SLC35F2: variants seen among roughly 807,000 people sequenced by gnomAD.
SLC35F2 encodes solute carrier family 35 member F2.
Under a neutral mutation model 38.1 loss-of-function variants are expected in SLC35F2, and 25 were observed. That is an observed-to-expected ratio of 0.66 (90% CI 0.48 to 0.92). SLC35F2 has a LOEUF of 0.92. Ranked by LOEUF, SLC35F2 falls within the 40% of genes least tolerant of loss-of-function variation. SLC35F2 has a pLI of 0.00. For missense variants in SLC35F2, 409 were observed against 452.9 expected (o/e 0.90, Z 0.88); for synonymous variants, 173 against 181.7 (o/e 0.95, Z 0.38).
At chr11:107,798,666 C>T (rs1051031613) in intron 7 of SLC35F2, among the ~76,000 whole-genome samples, 4 of 152,096 alleles carry the variant, frequency 2.6e-5, no homozygotes, top group Non-Finnish European at 4.4e-5. Flanking sequence ...CACGGATGAG[C>T]GTAAAAAATT....
chr11:107,849,177 A>G (rs796121089), intron 1 of SLC35F2, among the ~76,000 whole-genome samples: 6 of 152,252 alleles, frequency 3.9e-5, no homozygotes, highest in African/African-American at 1.4e-4. Context: ...CCTGATACAC[A>G]GCGAATTCTC....
intron 1 of SLC35F2, chr11:107,823,023 C>T (rs1859699847): frequency 3.7e-6 from 1 of 272,132 alleles, no homozygotes. Context: ...TGATGAGATG[C>T]ATTCATTTCT....
chr11:107,856,918 AGGG>A (rs1860297338), intron 1 of SLC35F2, among the ~76,000 whole-genome samples: 12 of 90,924 alleles, frequency 1.3e-4, no homozygotes, highest in East Asian at 3.6e-4. Flanking sequence ...GGAGGGAGGG[AGGG>A]AGGGAAAAGA....
chr11:107,855,286 C>CTCAT (rs1027911206), intron 1 of SLC35F2, among the ~76,000 whole-genome samples: 24 of 152,202 alleles, frequency 1.6e-4, no homozygotes, highest in African/African-American at 5.5e-4. Flanking sequence ...CAGTCATTCA[C>CTCAT]TCATTCATTC....
chr11:107,792,999 C>T lies in SLC35F2; in HGVS notation c.940-199G>A, dbSNP rs570753957. 127 of 791,956 alleles carry T rather than the reference C, an allele frequency of 1.6e-4. 1 individual carries two copies. The highest frequency in any genetic ancestry group is 1.8e-4 in the Non-Finnish European group (120 of 654,160). The allele number at this position is 791,956 out of a possible 1,614,324, so 49.1% of individuals were successfully genotyped here. ...TGGCACAATCTCGGCTCACTGCAAC[C>T]TCCACCTCCCAGGCTCCAGTGATCC... is the stretch of plus-strand genomic sequence containing the variant. On this transcript the variant is annotated intron_variant, in intron 7 of 7. Coordinates refer to ENST00000525815, the MANE Select transcript of SLC35F2 (RefSeq NM_017515.5).
At chr11:107,824,005 T>C (rs1320031635) in intron 1 of SLC35F2, 3 of 984,472 alleles carry the variant, frequency 3.0e-6, no homozygotes, top group Non-Finnish European at 2.4e-6. Context: ...GCAGCCAAGA[T>C]GAACTGTTTT....
At chr11:107,803,314 T>G (rs1006743070) in intron 6 of SLC35F2, 159 bp from the exon 7 acceptor site, 1 of 982,584 alleles carries the variant, frequency 1.0e-6, no homozygotes, top group East Asian at 1.1e-4. Context: ...CATAAAGCTC[T>G]CTCGAAAAAA....
At chr11:107,845,156 C>A (rs1181983714) in intron 1 of SLC35F2, among the ~76,000 whole-genome samples, 2 of 152,148 alleles carry the variant, frequency 1.3e-5, no homozygotes, top group African/African-American at 4.8e-5. Flanking sequence ...ATCCTAAACA[C>A]TTCTGGAGTA....
At chr11:107,809,195 T>C (rs933425909) in intron 3 of SLC35F2, among the ~76,000 whole-genome samples, 2 of 151,974 alleles carry the variant, frequency 1.3e-5, no homozygotes, top group African/African-American at 4.8e-5. Flanking sequence ...CAAAATGTAT[T>C]CTTGGTGGCC....
intron 1 of SLC35F2, among the ~76,000 whole-genome samples, chr11:107,830,594 A>G (rs1468190140): frequency 2.0e-5 from 3 of 151,484 alleles, no homozygotes; most frequent in Admixed American, 2.0e-4. Context: ...AAAAAAAAAA[A>G]AAAAAGAAAA....
chr11:107,833,282 G>T (rs956174863), intron 1 of SLC35F2, among the ~76,000 whole-genome samples: 2 of 152,112 alleles, frequency 1.3e-5, no homozygotes. Context: ...AGCACTTTGG[G>T]AGGCTGAGGT....
intron 1 of SLC35F2, among the ~76,000 whole-genome samples, chr11:107,827,920 AAATT>A (rs911009530): frequency 3.3e-5 from 5 of 152,268 alleles, no homozygotes; most frequent in Admixed American, 2.0e-4. Context: ...CAAAATAAAT[AAATT>A]AATTAATTAA....
intron 1 of SLC35F2, among the ~76,000 whole-genome samples, chr11:107,833,518 C>CAAAAAAAAAA (rs34376803): frequency 5.6e-5 from 5 of 89,542 alleles, no homozygotes; most frequent in African/African-American, 2.4e-4. Context: ...GACTCTGTCT[C>CAAAAAAAAAA]AAAAAAAAAA....
At chr11:107,856,317 C>G (rs1043382398) in intron 1 of SLC35F2, among the ~76,000 whole-genome samples, 3 of 152,146 alleles carry the variant, frequency 2.0e-5, no homozygotes, top group Non-Finnish European at 2.9e-5. Flanking sequence ...AGGAGCCAGG[C>G]TCTGTCTGCC....
chr11:107,810,031 A>C (rs1859458474), intron 3 of SLC35F2: 1 of 985,324 alleles, frequency 1.0e-6, no homozygotes. Flanking sequence ...GAACCTTCTA[A>C]GGAATCCTTA....
At chr11:107,811,067 GAGTC>G (rs1859472369) in intron 3 of SLC35F2, 1 of 984,772 alleles carries the variant, frequency 1.0e-6, no homozygotes, top group Non-Finnish European at 1.2e-6. Context: ...CAGTAATGGT[GAGTC>G]AGTGTTAGGA....
intron 7 of SLC35F2, among the ~76,000 whole-genome samples, chr11:107,799,626 T>A (rs891045906): frequency 2.6e-5 from 4 of 152,194 alleles, no homozygotes; most frequent in Non-Finnish European, 5.9e-5. Flanking sequence ...AGTCTCACCC[T>A]GTCACCCAGG....
intron 4 of SLC35F2, 142 bp from the exon 5 acceptor site, chr11:107,805,657 A>AGTGT (rs143463654): frequency 1.5e-5 from 21 of 1,435,790 alleles, no homozygotes; most frequent in South Asian, 1.5e-5. Flanking sequence ...TATGTGTGAG[A>AGTGT]GTGTGTGTGT....
Position 107,835,050 on chromosome 11 carries a change from TGAGA to T in SLC35F2, c.111-19089_111-19086del, listed in dbSNP as rs576418726. Among the ~76,000 whole-genome samples, 9 of 152,182 alleles carry T rather than the reference TGAGA, an allele frequency of 5.9e-5. No homozygotes were observed. In the South Asian group the frequency reaches 1.2e-3, roughly 21 times the overall value. On this transcript the variant is annotated intron_variant, in intron 1 of 7. Transcript: ENST00000525815. The stretch of plus-strand genomic sequence containing the variant: ...TACCAATATCAAGTCCTGTAGAAAA[TGAGA>T]GAGAGTTACGCAGAAAATCAAACGG...
Sources: gnomAD v4.1 joint callset for allele counts (sites outside exome capture counted in the v4.1 genomes callset) on GRCh38, gnomAD v4.1.1 for gene constraint, MANE v1.5 for transcripts, NCBI Gene and HGNC (gene_info 2026-07-23, HGNC 2026-07-21) for gene names.